RUBCN: variants seen among roughly 807,000 people sequenced by gnomAD.
RUBCN encodes the protein rubicon autophagy regulator, also known as run domain Beclin-1-interacting and cysteine-rich domain-containing protein.
Under a neutral mutation model 113.2 loss-of-function variants are expected in RUBCN, and 74 were observed. The observed-to-expected ratio is 0.65, with a 90% confidence interval of 0.54 to 0.79. The LOEUF is 0.79. Ranked by LOEUF, RUBCN falls within the 30% of genes least tolerant of loss-of-function variation. The probability of loss-of-function intolerance (pLI) is 0.00; values close to 1 mark genes in which losing one functional copy is unlikely to be tolerated. For synonymous variants in RUBCN, 480 were observed against 490.0 expected (o/e 0.98, Z 0.27); for missense variants, 1,109 against 1,251.7 (o/e 0.89, Z 1.72).
In RUBCN at chr3:197,670,034, G is replaced by A. The variant is rs1016613188; in HGVS notation, c.*4984C>T. ...CTCGCGAGTAGCTGGGATTACAGGCGCCCGCCATCATGCCCAACTAGCTTT... is the reference window on the plus strand; with the variant it reads ...CTCGCGAGTAGCTGGGATTACAGGCACCCGCCATCATGCCCAACTAGCTTT... On this transcript the variant is annotated 3_prime_UTR_variant, in exon 20 of 20. Transcript: ENST00000296343. 2.6e-5 allele frequency among the ~76,000 whole-genome samples: 4 copies of A among 152,058 alleles called. No homozygotes were observed. Among genetic ancestry groups the A allele is most frequent in the Admixed American group, 6.6e-5 (1 of 15,262 alleles).
At chr3:197,710,618 G>C (rs1043381528) in intron 2 of RUBCN, among the ~76,000 whole-genome samples, 1 of 148,616 alleles carries the variant, frequency 6.7e-6, no homozygotes, top group Admixed American at 6.7e-5. Context: ...AAAAAAGAAA[G>C]AAATGTCAAC....
intron 1 of RUBCN, among the ~76,000 whole-genome samples, chr3:197,733,423 A>G (rs1177743713): frequency 2.0e-5 from 3 of 152,220 alleles, no homozygotes; most frequent in African/African-American, 7.2e-5. Flanking sequence ...TTGAGGCTGC[A>G]GTGAGCTACG....
At chr3:197,707,318 C>T (rs564225788) in intron 2 of RUBCN, among the ~76,000 whole-genome samples, 3 of 151,616 alleles carry the variant, frequency 2.0e-5, no homozygotes, top group East Asian at 1.9e-4. Context: ...GGTGACAGAG[C>T]GAGACTCCGG....
rs374703031 is a variant in RUBCN, at chr3:197,699,203, A to T, written c.1261+1410T>A. ...TTCCCAAACCTGCAATGGGATCTTCAACTATAATGGTGATATTCCTGGGGC... is the reference window on the plus strand; with the variant it reads ...TTCCCAAACCTGCAATGGGATCTTCTACTATAATGGTGATATTCCTGGGGC... On this transcript the variant is annotated intron_variant, in intron 7 of 19. Coordinates refer to ENST00000296343, the MANE Select transcript of RUBCN (RefSeq NM_014687.4). 2.3e-4 allele frequency: 352 copies of T among 1,550,616 alleles called. 14 individuals carry two copies. Among genetic ancestry groups the T allele is most frequent in the East Asian group, 9.8e-4 (40 of 40,910 alleles).
intron 1 of RUBCN, among the ~76,000 whole-genome samples, chr3:197,745,031 A>G (rs1580427212): frequency 6.6e-6 from 1 of 152,124 alleles, no homozygotes; most frequent in Non-Finnish European, 1.5e-5. Context: ...TCACACCTGT[A>G]ATCCCAGCAC....
chr3:197,736,275 C>T, intron 1 of RUBCN, among the ~76,000 whole-genome samples: 1 of 152,170 alleles, frequency 6.6e-6, no homozygotes. Flanking sequence ...GCTGTCACGG[C>T]AAGTTTCAGT....
chr3:197,676,602 C>G (rs774495321), intron 18 of RUBCN: 2 of 1,300,830 alleles, frequency 1.5e-6, no homozygotes, highest in Non-Finnish European at 2.0e-6. Context: ...CCTAAGCCAC[C>G]GTGCCTGGCC....
intron 1 of RUBCN, among the ~76,000 whole-genome samples, chr3:197,730,182 C>A (rs558831505): frequency 6.6e-6 from 1 of 151,990 alleles, no homozygotes; most frequent in East Asian, 1.9e-4. Flanking sequence ...GTAAGAGAAC[C>A]CTGATTTTCC....
chr3:197,683,753 G>T lies in RUBCN; in HGVS notation c.1848-314C>A, dbSNP rs1454189514. On this transcript the variant is annotated intron_variant, in intron 12 of 19. Coordinates refer to ENST00000296343, the MANE Select transcript of RUBCN (RefSeq NM_014687.4). The surrounding 1 kb of genome is among the most constrained non-coding windows in gnomAD (Gnocchi z 4.6). The stretch of plus-strand genomic sequence containing the variant: ...ATAATGCCTGCTTACAAAACAAAGT[G>T]AGTAAAATTGCTTTGTGGACTACAA... Among the ~76,000 whole-genome samples the T allele has an allele frequency of 6.6e-6, 1 of 152,136 alleles. No homozygotes were observed. Among genetic ancestry groups the T allele is most frequent in the Non-Finnish European group, 1.5e-5 (1 of 68,040 alleles).
At chr3:197,705,242 G>T in intron 2 of RUBCN, 67 bp from the exon 3 acceptor site, 1 of 1,428,888 alleles carries the variant, frequency 7.0e-7, no homozygotes, top group Non-Finnish European at 9.8e-7. Flanking sequence ...TCTAGGGTTG[G>T]CATTCAAAGA....
chr3:197,735,335 G>T (rs1404235882), intron 1 of RUBCN, among the ~76,000 whole-genome samples: 2 of 152,238 alleles, frequency 1.3e-5, no homozygotes, highest in East Asian at 3.8e-4. Context: ...AGAGTTGGAG[G>T]CTGCAGTGAG....
chr3:197,727,194 C>T (rs1726859417), intron 1 of RUBCN, among the ~76,000 whole-genome samples: 2 of 152,194 alleles, frequency 1.3e-5, no homozygotes, highest in Non-Finnish European at 2.9e-5. Context: ...CCTGCCTCAG[C>T]CTCCCAAAGT....
chr3:197,703,595 C>G lies in RUBCN; in HGVS notation c.523G>C (p.Val175Leu), dbSNP rs981529845. 7 of 1,613,764 alleles carry G rather than the reference C, an allele frequency of 4.3e-6. No individual in the cohort carries two copies. The highest frequency in any genetic ancestry group is 5.9e-6 in the Non-Finnish European group (7 of 1,179,938). Reference sequence around the variant, plus strand: ...AGGAGGCGGGGGTTGTTCTGTTCCACTGCTTCCAGGCACTGCAGCATGGCC... The same window carrying G: ...AGGAGGCGGGGGTTGTTCTGTTCCAGTGCTTCCAGGCACTGCAGCATGGCC... ...VTAMLQCLEAVEQNNPRLLAQ... is the reference protein window; with the variant it reads ...VTAMLQCLEALEQNNPRLLAQ... The change falls in exon 5 of 20, where the codon GTG becomes CTG. Residue 175 changes from valine (V) to leucine (L), a missense_variant. Physicochemically the swap from Val to Leu is conservative, Grantham distance 32. Around this residue, in one of 3 missense-constraint regions of RUBCN, gnomAD observed 736 missense variants for 779.6 expected, o/e 0.94. Coordinates refer to ENST00000296343, the MANE Select transcript of RUBCN (RefSeq NM_014687.4).
At chr3:197,739,416 G>A (rs1432390658), upstream of RUBCN, among the ~76,000 whole-genome samples, 7 of 150,978 alleles carry the variant, frequency 4.6e-5, no homozygotes, top group Middle Eastern at 7.1e-3. Context: ...AAAAAAGGCC[G>A]GGCGTGGTGG....
intron 1 of RUBCN, among the ~76,000 whole-genome samples, chr3:197,721,716 T>C (rs1365625286): frequency 2.0e-5 from 3 of 152,162 alleles, no homozygotes; most frequent in Non-Finnish European, 4.4e-5. Flanking sequence ...TTGATATAGA[T>C]GTTAATTGCT....
intron 1 of RUBCN, among the ~76,000 whole-genome samples, chr3:197,731,562 T>C (rs961499419): frequency 6.6e-6 from 1 of 152,096 alleles, no homozygotes; most frequent in African/African-American, 2.4e-5. Context: ...CACTTCCCAG[T>C]AGGCGCGACC....
chr3:197,733,613 C>T (rs1727768436), intron 1 of RUBCN, among the ~76,000 whole-genome samples: 1 of 152,120 alleles, frequency 6.6e-6, no homozygotes, highest in Non-Finnish European at 1.5e-5. Context: ...TTAATAGGCA[C>T]AAGGAATGTG....
At chr3:197,693,379 C>T (rs1177424903) in intron 11 of RUBCN, among the ~76,000 whole-genome samples, 2 of 152,130 alleles carry the variant, frequency 1.3e-5, no homozygotes, top group Admixed American at 6.6e-5. Context: ...TTATGGAACC[C>T]AAGAGAATAG....
At chr3:197,685,976 T>G (rs991561627) in intron 11 of RUBCN, among the ~76,000 whole-genome samples, 2 of 152,184 alleles carry the variant, frequency 1.3e-5, no homozygotes, top group African/African-American at 2.4e-5. Flanking sequence ...CATAAAGGTT[T>G]TCAGAAAACA....
Sources: allele counts gnomAD v4.1 joint callset (sites outside exome capture counted in the v4.1 genomes callset), GRCh38; gene constraint gnomAD v4.1.1; regional missense constraint gnomAD v4.1.1; non-coding constraint Gnocchi (gnomAD v3.1); transcripts MANE v1.5; gene names NCBI Gene and HGNC (gene_info 2026-07-23, HGNC 2026-07-21).